WDR64: variants seen among roughly 807,000 people sequenced by gnomAD.
The protein encoded by WDR64 is WD repeat domain 64, also known as WD repeat-containing protein 64.
Under a neutral mutation model 139.3 loss-of-function variants are expected in WDR64, and 112 were observed. That is an observed-to-expected ratio of 0.80 (90% CI 0.69 to 0.94). The LOEUF (loss-of-function observed/expected upper bound fraction) is 0.94, where lower values mean the gene tolerates loss of function less well. Among genes scored for constraint, WDR64 ranks in the 40% least tolerant of loss-of-function variants. WDR64 has a pLI of 0.00. For missense variants in WDR64, 1,206 were observed against 1,293.1 expected (o/e 0.93, Z 1.03); for synonymous variants, 444 against 437.7 (o/e 1.01, Z -0.18).
rs149899647 is a variant in WDR64 at position 241,704,491 on chromosome 1, G to A, written c.975-7311G>A. ...GAATATGAACATGAAATACTGGAAA[G>A]CAGGCCATCTTTCATTTTCCAAATT... On this transcript the variant is annotated intron_variant, in intron 8 of 27. Coordinates refer to ENST00000437684, the MANE Select transcript of WDR64 (RefSeq NM_001367482.1). Among the ~76,000 whole-genome samples the A allele has an allele frequency of 7.6e-3, 1,153 of 152,212 alleles. 20 individuals are homozygous for A. The highest frequency in any genetic ancestry group is 0.025 in the African/African-American group (1,058 of 41,538).
intron 2 of WDR64, among the ~76,000 whole-genome samples, chr1:241,662,345 C>T (rs1431760670): frequency 6.6e-6 from 1 of 152,170 alleles, no homozygotes; most frequent in Non-Finnish European, 1.5e-5. Context: ...AGGGAAGAAT[C>T]TGCTCCTAAG....
At chr1:241,700,996 G>T (rs1339637378) in intron 8 of WDR64, among the ~76,000 whole-genome samples, 1 of 152,182 alleles carries the variant, frequency 6.6e-6, no homozygotes, top group African/African-American at 2.4e-5. Flanking sequence ...TTATGATGAT[G>T]CCAACATTCC....
At chr1:241,754,760 C>A (rs537959696) in intron 14 of WDR64, among the ~76,000 whole-genome samples, 1 of 152,176 alleles carries the variant, frequency 6.6e-6, no homozygotes, top group East Asian at 1.9e-4. Flanking sequence ...GTGATGTTCC[C>A]CTCCCTGTGT....
chr1:241,749,522 A>G (rs1260814489), intron 13 of WDR64, 25 bp from the exon 14 acceptor site: 1 of 1,601,214 alleles, frequency 6.2e-7, no homozygotes, highest in Non-Finnish European at 8.5e-7. Flanking sequence ...TTTTACCCAC[A>G]TAGTCTTTTT....
intron 3 of WDR64, among the ~76,000 whole-genome samples, chr1:241,673,520 C>T (rs1188221300): frequency 6.6e-6 from 1 of 152,004 alleles, no homozygotes; most frequent in Non-Finnish European, 1.5e-5. Context: ...ATTTTAATGC[C>T]TCAGGTATTA....
At chr1:241,780,288 G>T (rs1301716798) in intron 22 of WDR64, among the ~76,000 whole-genome samples, 1 of 152,158 alleles carries the variant, frequency 6.6e-6, no homozygotes, top group Non-Finnish European at 1.5e-5. Context: ...TGGTCACTTT[G>T]CATCGTCTTC....
intron 13 of WDR64, among the ~76,000 whole-genome samples, chr1:241,749,081 A>G (rs928841673): frequency 1.3e-5 from 2 of 152,220 alleles, no homozygotes; most frequent in Admixed American, 6.5e-5. Flanking sequence ...ATTCCCTCCA[A>G]CTTTTTATTA....
chr1:241,800,216 A>G (rs1199539020), intron 27 of WDR64, among the ~76,000 whole-genome samples: 1 of 152,172 alleles, frequency 6.6e-6, no homozygotes, highest in East Asian at 1.9e-4. Context: ...TGTGGGAGAA[A>G]GAGGAGTACT....
At chr1:241,671,263 T>A (rs1666215779) in intron 3 of WDR64, 87 bp downstream of exon 3, 1 of 955,882 alleles carries the variant, frequency 1.0e-6, no homozygotes, top group Admixed American at 2.5e-5. Flanking sequence ...ATAGAATCAC[T>A]TTTCATTTTA....
chr1:241,678,332 T>C (rs531041687), intron 5 of WDR64, 116 bp downstream of exon 5: 3 of 394,940 alleles, frequency 7.6e-6, no homozygotes, highest in South Asian at 1.3e-4. Flanking sequence ...ATATGTTTCA[T>C]ATATTATAAA....
intron 8 of WDR64, among the ~76,000 whole-genome samples, chr1:241,693,187 A>G (rs1245823186): frequency 1.3e-5 from 2 of 152,190 alleles, no homozygotes; most frequent in Non-Finnish European, 2.9e-5. Flanking sequence ...CTGAATGGAT[A>G]CACAGACTCT....
chr1:241,725,304 A>G (rs1259315322), intron 10 of WDR64, among the ~76,000 whole-genome samples: 1 of 152,134 alleles, frequency 6.6e-6, no homozygotes, highest in Non-Finnish European at 1.5e-5. Flanking sequence ...TTAAGAAGGA[A>G]AAAAGAAAAA....
Position 241,653,472 on chromosome 1 carries a change from T to C in WDR64, c.145+843T>C, listed in dbSNP as rs570298289. Reference sequence around the variant, plus strand: ...TTAATCAATGTCATTATGTTCATTTTATTTGTGGAAAAAATGGGAGCTGAA... The same window carrying C: ...TTAATCAATGTCATTATGTTCATTTCATTTGTGGAAAAAATGGGAGCTGAA... On this transcript the variant is annotated intron_variant, in intron 1 of 27. Transcript: ENST00000437684. Among the ~76,000 whole-genome samples the C allele has an allele frequency of 3.9e-5, 6 of 152,286 alleles. No individual in the cohort carries two copies. In the East Asian group the frequency reaches 1.2e-3, roughly 29 times the overall value.
In WDR64 at chr1:241,770,637, T is replaced by C; in HGVS notation, c.2200T>C (p.Ser734Pro). ...CCCTTATAGGAGATCAAGTCAGGAT[T>C]CCATATGTTCTTCATCCCAGTGTGA... Reference protein sequence around the residue: ...PECARRSSQDSICSSSQCESS... With the variant: ...PECARRSSQDPICSSSQCESS... The change falls in exon 18 of 28, where the codon TCC becomes CCC. Residue 734 changes from serine to proline, a missense_variant. Transcript: ENST00000437684. 6.4e-7 allele frequency: 1 copy of C among 1,551,416 alleles called. No homozygotes were observed. The highest frequency in any genetic ancestry group is 8.7e-7 in the Non-Finnish European group (1 of 1,146,828).
At chr1:241,771,049 A>G (rs898196932) in intron 18 of WDR64, among the ~76,000 whole-genome samples, 7 of 152,354 alleles carry the variant, frequency 4.6e-5, no homozygotes, top group Middle Eastern at 3.4e-3. Flanking sequence ...TAAAAAGTAC[A>G]TATGTCACAG....
chr1:241,653,919 T>C (rs1384748371), intron 1 of WDR64, among the ~76,000 whole-genome samples: 1 of 152,202 alleles, frequency 6.6e-6, no homozygotes, highest in African/African-American at 2.4e-5. Context: ...ATTGGGAACT[T>C]GACTGGGCCT....
rs1472266431 is a variant in WDR64, at chr1:241,747,739, T to G, written c.1595-1808T>G. 2.6e-5 allele frequency among the ~76,000 whole-genome samples: 4 copies of G among 152,146 alleles called. No homozygotes were observed. In the East Asian group the frequency reaches 5.8e-4, roughly 22 times the overall value. On this transcript the variant is annotated intron_variant, in intron 13 of 27. Coordinates refer to ENST00000437684, the MANE Select transcript of WDR64 (RefSeq NM_001367482.1). ...TCTTGAACCTATGCGAGAATCGATG[T>G]TGCAGGCAAATAGCCTGAAATCGAA... is the stretch of plus-strand genomic sequence containing the variant.
At chr1:241,717,758 T>C (rs1668460584) in intron 9 of WDR64, among the ~76,000 whole-genome samples, 1 of 152,258 alleles carries the variant, frequency 6.6e-6, no homozygotes, top group East Asian at 1.9e-4. Flanking sequence ...CCTCTATATC[T>C]CCTTACCTTA....
intron 13 of WDR64, among the ~76,000 whole-genome samples, chr1:241,746,568 A>G (rs1669763690): frequency 7.0e-6 from 1 of 143,532 alleles, no homozygotes; most frequent in South Asian, 2.2e-4. Context: ...ATAACCAAAA[A>G]CTGAAAAAAA....
Sources: gnomAD v4.1 joint callset for allele counts (sites outside exome capture counted in the v4.1 genomes callset) on GRCh38, gnomAD v4.1.1 for gene constraint, MANE v1.5 for transcripts, NCBI Gene and HGNC (gene_info 2026-07-23, HGNC 2026-07-21) for gene names.